NTRK2: variants seen among roughly 807,000 people sequenced by gnomAD.
The protein encoded by NTRK2 is neurotrophic receptor tyrosine kinase 2, also known as BDNF/NT-3 growth factors receptor.
In NTRK2, 13 loss-of-function variants were observed where a neutral mutation model predicts 94.5. The observed-to-expected ratio is 0.14, with a 90% CI of 0.09 to 0.22. The LOEUF is 0.22. Ranked by LOEUF, NTRK2 falls within the 10% of genes least tolerant of loss-of-function variation. The pLI is 1.00. For missense variants in NTRK2, 639 were observed against 1,071.2 expected (o/e 0.60, Z 5.63); for synonymous variants, 372 against 407.4 (o/e 0.91, Z 1.05).
chr9:84,772,788 G>A (rs1396381553), intron 12 of NTRK2, among the ~76,000 whole-genome samples: 2 of 152,158 alleles, frequency 1.3e-5, no homozygotes, highest in Non-Finnish European at 2.9e-5. Flanking sequence ...TGGAGAAGGA[G>A]GCAGTGTTAC....
At chr9:84,797,416 A>T (rs1228791820) in intron 12 of NTRK2, among the ~76,000 whole-genome samples, 2 of 148,408 alleles carry the variant, frequency 1.3e-5, no homozygotes, top group Non-Finnish European at 3.0e-5. Context: ...ATAACTAGTT[A>T]TGGGGGATTC....
intron 6 of NTRK2, among the ~76,000 whole-genome samples, chr9:84,720,039 A>G (rs1009309469): frequency 7.4e-6 from 1 of 135,204 alleles, no homozygotes; most frequent in Admixed American, 7.5e-5. Context: ...AAAAAAAAAA[A>G]GGGAGAGGGA....
chr9:84,849,142 A>G (rs1244774986), intron 12 of NTRK2, among the ~76,000 whole-genome samples: 2 of 152,194 alleles, frequency 1.3e-5, no homozygotes, highest in African/African-American at 4.8e-5. Context: ...GATAACCCTT[A>G]AAACAGAAAA....
chr9:84,707,295 C>T (rs964536938), intron 4 of NTRK2, among the ~76,000 whole-genome samples: 4 of 152,054 alleles, frequency 2.6e-5, no homozygotes, highest in Admixed American at 1.3e-4. Flanking sequence ...TTGTTCTCAT[C>T]GTGGAGGTAT....
chr9:84,721,134 T>C (rs768243521), intron 6 of NTRK2, among the ~76,000 whole-genome samples: 9 of 152,196 alleles, frequency 5.9e-5, no homozygotes, highest in Non-Finnish European at 1.3e-4. Flanking sequence ...TATTAGATGG[T>C]TCTGGTGTTA....
chr9:84,737,228 A>G (rs2063323589), intron 9 of NTRK2, among the ~76,000 whole-genome samples: 1 of 152,148 alleles, frequency 6.6e-6, no homozygotes, highest in South Asian at 2.1e-4. Flanking sequence ...CAGAATGGAA[A>G]ATGAACCCTA....
At chr9:84,774,226 T>C (rs2066821082) in intron 12 of NTRK2, among the ~76,000 whole-genome samples, 1 of 152,166 alleles carries the variant, frequency 6.6e-6, no homozygotes, top group Admixed American at 6.6e-5. Context: ...GGACCCATAT[T>C]GAGTTCTGAA....
intron 17 of NTRK2, among the ~76,000 whole-genome samples, chr9:84,988,186 G>T (rs1020818495): frequency 6.6e-6 from 1 of 152,194 alleles, no homozygotes; most frequent in Non-Finnish European, 1.5e-5. Context: ...GAAGACATGT[G>T]AGTACAGTTC....
At chr9:84,830,819 T>C (rs1402829102) in intron 12 of NTRK2, among the ~76,000 whole-genome samples, 1 of 152,220 alleles carries the variant, frequency 6.6e-6, no homozygotes, top group African/African-American at 2.4e-5. Flanking sequence ...GCATTGTATT[T>C]TTTAAACAAT....
At chr9:84,755,935 T>A (rs1047932811) in intron 12 of NTRK2, among the ~76,000 whole-genome samples, 4 of 152,154 alleles carry the variant, frequency 2.6e-5, no homozygotes, top group Admixed American at 1.3e-4. Context: ...AGTCAGTTTT[T>A]CCTTGTTTAT....
rs1832879650 is a variant in NTRK2, at chr9:85,023,425, C to T, written c.*1988C>T. On this transcript the variant is annotated 3_prime_UTR_variant, in exon 19 of 19. Transcript: ENST00000277120. ...TATTTTTCATTAAAGGCTTTGAAAG[C>T]CAATTCTCAAAAATTCAAAAGTGCA... 1 of 232,060 alleles carries T rather than the reference C, an allele frequency of 4.3e-6. No individual in the cohort carries two copies. Among genetic ancestry groups the T allele is most frequent in the Non-Finnish European group, 8.5e-6 (1 of 117,444 alleles). The allele number at this position is 232,060 out of a possible 1,614,324, so 14.4% of individuals were successfully genotyped here. A position where few individuals can be genotyped will look rare whatever the true frequency, so the allele number is the denominator to read the frequency against.
intron 12 of NTRK2, among the ~76,000 whole-genome samples, chr9:84,834,332 T>G (rs1333209661): frequency 6.6e-6 from 1 of 152,196 alleles, no homozygotes; most frequent in African/African-American, 2.4e-5. Flanking sequence ...ATAAAGGAAG[T>G]TAAATCAAAT....
chr9:84,827,228 G>A (rs1378043010), intron 12 of NTRK2, among the ~76,000 whole-genome samples: 1 of 152,198 alleles, frequency 6.6e-6, no homozygotes, highest in Non-Finnish European at 1.5e-5. Flanking sequence ...GGTGGGGCCA[G>A]GCAAGTAACA....
At chr9:84,875,631 C>G (rs7047042) in intron 14 of NTRK2, 178,622 of 1,058,750 alleles carry the variant, frequency 0.17, 15,592 homozygotes, top group African/African-American at 0.25. Flanking sequence ...TTTAGGGATG[C>G]CTTCACTTCC....
chr9:84,723,966 A>G (rs1259411157), intron 7 of NTRK2, among the ~76,000 whole-genome samples: 2 of 152,230 alleles, frequency 1.3e-5, no homozygotes, highest in African/African-American at 2.4e-5. Flanking sequence ...CATCCTGAAC[A>G]AAGCGAGTGA....
At chr9:84,682,729 G>A (rs150649495) in intron 2 of NTRK2, among the ~76,000 whole-genome samples, 39 of 152,168 alleles carry the variant, frequency 2.6e-4, no homozygotes, top group Admixed American at 2.0e-3. Flanking sequence ...TACATATATA[G>A]CACATATATA....
Position 84,752,102 on chromosome 9 carries a change from T to G in NTRK2, c.1396+17T>G. Reference sequence around the variant, plus strand: ...GCATGAAAGGTAAGAAGGGTTGTGTTTATTTAGCTTCTTATGTGGATCATT... The same window carrying G: ...GCATGAAAGGTAAGAAGGGTTGTGTGTATTTAGCTTCTTATGTGGATCATT... On this transcript the variant is annotated intron_variant, in intron 12 of 18. Coordinates refer to ENST00000277120, the MANE Select transcript of NTRK2 (RefSeq NM_006180.6). The G allele has an allele frequency of 6.3e-7, 1 of 1,588,060 alleles. No individual in the cohort carries two copies. Among genetic ancestry groups the G allele is most frequent in the Non-Finnish European group, 8.6e-7 (1 of 1,156,362 alleles).
intron 9 of NTRK2, among the ~76,000 whole-genome samples, chr9:84,733,013 A>G (rs910384496): frequency 6.6e-6 from 1 of 152,088 alleles, no homozygotes; most frequent in African/African-American, 2.4e-5. Context: ...TGCAGGGGAC[A>G]CTCATAGTCT....
At chr9:85,011,743 A>C (rs1479019673) in intron 17 of NTRK2, among the ~76,000 whole-genome samples, 7 of 152,196 alleles carry the variant, frequency 4.6e-5, no homozygotes, top group Admixed American at 1.3e-4. Flanking sequence ...ACTAAGATAG[A>C]GAGCCCTTTC....
Sources: allele counts gnomAD v4.1 joint callset (sites outside exome capture counted in the v4.1 genomes callset), GRCh38; gene constraint gnomAD v4.1.1; transcripts MANE v1.5; gene names NCBI Gene and HGNC (gene_info 2026-07-23, HGNC 2026-07-21).